The following FCER2 variants were observed in gnomAD, a reference collection of about 807,000 sequenced individuals.
The protein encoded by FCER2 is low affinity immunoglobulin epsilon Fc receptor.
In FCER2, 38 loss-of-function variants were observed where a neutral mutation model predicts 49.7. The observed-to-expected ratio is 0.76, with a 90% CI of 0.59 to 1.00. FCER2 has a LOEUF of 1.00. Among genes scored for constraint, FCER2 ranks in the 50% least tolerant of loss-of-function variants. The pLI is 0.00. For missense variants in FCER2, 425 were observed against 419.5 expected (o/e 1.01, Z -0.11); for synonymous variants, 163 against 164.6 (o/e 0.99, Z 0.07).
In FCER2 at chr19:7,689,422, G is replaced by C. The variant is rs555446476; in HGVS notation, c.737C>G (p.Ala246Gly). The change falls in exon 11 of 11, where the codon GCT (alanine) becomes GGT (glycine). Residue 246 changes from alanine to glycine, a missense_variant. Transcript: ENST00000597921. Reference sequence around the variant, plus strand: ...GCTCCGGCTGGTGGGCTCCCCTGGAGCCCAGTTGCTGGAGCAAAAGGCTTT... The same window carrying C: ...GCTCCGGCTGGTGGGCTCCCCTGGACCCCAGTTGCTGGAGCAAAAGGCTTT... ...DGSHVDYSNW[A>G]PGEPTSRSQG... 6.3e-7 allele frequency: 1 copy of C among 1,584,858 alleles called. No homozygotes were observed. The highest frequency in any genetic ancestry group is 2.3e-5 in the East Asian group (1 of 43,772).
chr19:7,699,978 C>T (rs972337627), intron 1 of FCER2, 133 bp from the exon 2 acceptor site: 14 of 606,578 alleles, frequency 2.3e-5, no homozygotes, highest in Admixed American at 5.3e-5. Context: ...GACTCACTAG[C>T]GTGGTTAGCA....
rs1469440796 is a variant in FCER2, at chr19:7,690,073, C to T, written c.728+86G>A. On this transcript the variant is annotated intron_variant, in intron 10 of 10. Transcript: ENST00000597921. ...AGACCCTTATCTCTGAGCCCTCATC[C>T]GCTTTCCGATGCAGTTTATCTAGGG... The T allele has an allele frequency of 1.7e-5, 15 of 884,320 alleles. 1 individual carries two copies. Among genetic ancestry groups the T allele is most frequent in the East Asian group, 7.3e-5 (3 of 41,210 alleles). The allele number at this position is 884,320 out of a possible 1,614,324, so 54.8% of individuals were successfully genotyped here.
chr19:7,695,805 T>C (rs1457691395), intron 8 of FCER2, among the ~76,000 whole-genome samples: 1 of 151,896 alleles, frequency 6.6e-6, no homozygotes, highest in African/African-American at 2.4e-5. Context: ...TAGTCTCAGC[T>C]ACTCTGGAAG....
intron 1 of FCER2, among the ~76,000 whole-genome samples, chr19:7,701,379 C>T (rs1393077896): frequency 6.6e-6 from 1 of 152,122 alleles, no homozygotes; most frequent in South Asian, 2.1e-4. Context: ...AGTCCGAGTC[C>T]TGGCTTCTTC....
At chr19:7,691,181 C>T (rs1183450860) in intron 8 of FCER2, among the ~76,000 whole-genome samples, 3 of 152,186 alleles carry the variant, frequency 2.0e-5, no homozygotes, top group Non-Finnish European at 2.9e-5. Flanking sequence ...GCCCCTCAAC[C>T]GTCAACACCA....
At chr19:7,696,246 C>T (rs891114634) in intron 8 of FCER2, among the ~76,000 whole-genome samples, 1 of 152,034 alleles carries the variant, frequency 6.6e-6, no homozygotes, top group African/African-American at 2.4e-5. Context: ...ACTACAGGCA[C>T]GCACCACTAC....
chr19:7,697,609 G>T lies in FCER2; in HGVS notation c.191-20C>A, dbSNP rs755690821. 3.1e-6 allele frequency: 5 copies of T among 1,612,358 alleles called. No homozygotes were observed. Among genetic ancestry groups the T allele is most frequent in the Non-Finnish European group, 4.2e-6 (5 of 1,178,606 alleles). ...GAGAGACTGGAGCGGCGGGAGAGAA[G>T]AGATATCCCAGGAACCTCAAAGGCA... On this transcript the variant is annotated intron_variant, in intron 4 of 10. Coordinates refer to ENST00000597921, the MANE Select transcript of FCER2 (RefSeq NM_001220500.2).
intron 8 of FCER2, among the ~76,000 whole-genome samples, chr19:7,691,441 G>A (rs527344389): frequency 2.8e-5 from 3 of 105,482 alleles, no homozygotes; most frequent in South Asian, 3.3e-4. Flanking sequence ...CATCGCCATC[G>A]ACAGCTCATA....
chr19:7,697,516 G>A lies in FCER2; in HGVS notation c.253+11C>T. 1 of 1,612,006 alleles carries A rather than the reference G, an allele frequency of 6.2e-7. No homozygotes were observed. On this transcript the variant is annotated intron_variant, in intron 5 of 10. Transcript: ENST00000597921. ...TTTTCCCCTGCAACCCCAACTCCAGGAGTCACTCACACTGGGATTTCTGCG... is the reference window on the plus strand; with the variant it reads ...TTTTCCCCTGCAACCCCAACTCCAGAAGTCACTCACACTGGGATTTCTGCG...
Position 7,696,807 on chromosome 19 carries a change from A to G in FCER2, c.469+18T>C. 1.3e-6 allele frequency: 2 copies of G among 1,554,268 alleles called. No homozygotes were observed. Among genetic ancestry groups the G allele is most frequent in the Non-Finnish European group, 1.7e-6 (2 of 1,144,864 alleles). ...GGTGAGGTCACGCGTCGTCCTGAGC[A>G]GAGACTCACACACTCACCGCTGGAC... On this transcript the variant is annotated intron_variant, in intron 8 of 10. Coordinates refer to ENST00000597921, the MANE Select transcript of FCER2 (RefSeq NM_001220500.2).
At position 7,690,597 on chromosome 19, in the gene FCER2, G is replaced by A. The variant is rs756767746; in HGVS notation, c.470-40C>T. 280 of 1,600,302 alleles carry A rather than the reference G, an allele frequency of 1.7e-4. 5 individuals are homozygous for A. In the South Asian group the frequency reaches 1.9e-3, roughly 11 times the overall value. On this transcript the variant is annotated intron_variant, in intron 8 of 10. Coordinates refer to ENST00000597921, the MANE Select transcript of FCER2 (RefSeq NM_001220500.2). ...AGGCTCGGGGGTGGGGCCAATGGAAGTGCCTTGGGCACCCTGGGCAGACTA... is the reference window on the plus strand; with the variant it reads ...AGGCTCGGGGGTGGGGCCAATGGAAATGCCTTGGGCACCCTGGGCAGACTA...
intron 8 of FCER2, among the ~76,000 whole-genome samples, chr19:7,696,391 G>A (rs751944417): frequency 2.0e-5 from 3 of 151,886 alleles, no homozygotes; most frequent in Admixed American, 1.3e-4. Context: ...GTGAGCCACC[G>A]CGTCCAGCTA....
intron 10 of FCER2, among the ~76,000 whole-genome samples, chr19:7,689,897 C>T (rs113487744): frequency 0.017 from 2,593 of 152,018 alleles, 66 homozygotes; most frequent in African/African-American, 0.059. Flanking sequence ...ATGACAGGCA[C>T]GAGCCACCCT....
At chr19:7,701,352 G>A (rs1303610738) in intron 1 of FCER2, among the ~76,000 whole-genome samples, 1 of 152,128 alleles carries the variant, frequency 6.6e-6, no homozygotes, top group African/African-American at 2.4e-5. Context: ...GTCCAGGGAG[G>A]CAGCTGGACA....
intron 8 of FCER2, among the ~76,000 whole-genome samples, chr19:7,695,730 A>T (rs1184319483): frequency 6.6e-6 from 1 of 152,158 alleles, no homozygotes; most frequent in Non-Finnish European, 1.5e-5. Flanking sequence ...CAACCTGGGT[A>T]ACAAAGTGAG....
chr19:7,699,482 T>A lies in FCER2; in HGVS notation c.22+257A>T, dbSNP rs1372849209. On this transcript the variant is annotated intron_variant, in intron 2 of 10. Coordinates refer to ENST00000597921, the MANE Select transcript of FCER2 (RefSeq NM_001220500.2). ...CCCGCTCCCTAGCTGAAGCCGTTTT[T>A]TTTTTTTTTTCTTTTTCTTTTTTTG... 2.9e-5 allele frequency: 8 copies of A among 276,730 alleles called. 1 individual carries two copies. The highest frequency in any genetic ancestry group is 1.2e-3 in the East Asian group (2 of 1,604). The allele number at this position is 276,730 out of a possible 1,614,324, so 17.1% of individuals were successfully genotyped here. A position where few individuals can be genotyped will look rare whatever the true frequency, so the allele number is the denominator to read the frequency against.
chr19:7,695,920 CTTTTTTTT>C (rs60387474), intron 8 of FCER2, among the ~76,000 whole-genome samples: 3 of 80,678 alleles, frequency 3.7e-5, no homozygotes, highest in African/African-American at 5.2e-5. Flanking sequence ...CCATCTCTCT[CTTTTTTTT>C]TTTTTTTTTT....
rs536277397 is a variant in FCER2 at position 7,689,261 on chromosome 19, T to G, written c.898A>C (p.Met300Leu). 6.2e-6 allele frequency: 10 copies of G among 1,613,858 alleles called. No individual in the cohort carries two copies. Among genetic ancestry groups the G allele is most frequent in the South Asian group, 1.1e-5 (1 of 91,064 alleles). ...PPASEGSAES[M>L]GPDSRPDPDG... ...GGGTCTGGTCTTGAATCAGGTCCCA[T>G]GGACTCCGCGGAACCTTCGCTGGCT... The change falls in exon 11 of 11, where the codon ATG becomes CTG. Residue 300 changes from methionine (M) to leucine (L), a missense_variant. Transcript: ENST00000597921.
intron 6 of FCER2, 55 bp downstream of exon 6, chr19:7,697,181 A>G: frequency 6.2e-7 from 1 of 1,606,774 alleles, no homozygotes; most frequent in Non-Finnish European, 8.5e-7. Flanking sequence ...GGGCTCTGAG[A>G]CACTCCCTCC....
Sources: allele counts gnomAD v4.1 joint callset (sites outside exome capture counted in the v4.1 genomes callset), GRCh38; gene constraint gnomAD v4.1.1; transcripts MANE v1.5; gene names NCBI Gene and HGNC (gene_info 2026-07-23, HGNC 2026-07-21).